The following IFT80 variants were observed in gnomAD, a reference collection of about 807,000 sequenced individuals.
IFT80 encodes the protein intraflagellar transport protein 80 homolog.
Under a neutral mutation model 107.9 loss-of-function variants are expected in IFT80, and 79 were observed. The observed-to-expected ratio is 0.73, with a 90% CI of 0.61 to 0.88. The LOEUF is 0.88. Ranked by LOEUF, IFT80 falls within the 40% of genes least tolerant of loss-of-function variation. The pLI, the probability that IFT80 is intolerant of heterozygous loss-of-function variation, is 0.00. For missense variants in IFT80, 797 were observed against 914.2 expected (o/e 0.87, Z 1.65); for synonymous variants, 299 against 300.9 (o/e 0.99, Z 0.07).
At chr3:160,305,182 T>C (rs1382317534) in intron 10 of IFT80, among the ~76,000 whole-genome samples, 1 of 152,172 alleles carries the variant, frequency 6.6e-6, no homozygotes, top group East Asian at 1.9e-4. Flanking sequence ...AATTTCTCAG[T>C]AATTTTCATA....
intron 6 of IFT80, among the ~76,000 whole-genome samples, chr3:160,358,804 ATTTT>A (rs1431512983): frequency 6.6e-6 from 1 of 152,194 alleles, no homozygotes; most frequent in Non-Finnish European, 1.5e-5. Flanking sequence ...ACATATAATA[ATTTT>A]TATTTATTTA....
intron 6 of IFT80, among the ~76,000 whole-genome samples, chr3:160,361,824 C>T (rs559731964): frequency 6.6e-6 from 1 of 152,238 alleles, no homozygotes; most frequent in African/African-American, 2.4e-5. Context: ...TTCTTTGAAA[C>T]CAATGAGAAC....
At chr3:160,344,077 G>C (rs1238612642) in intron 8 of IFT80, among the ~76,000 whole-genome samples, 2 of 152,118 alleles carry the variant, frequency 1.3e-5, no homozygotes, top group Admixed American at 6.5e-5. Context: ...GTTCTACAAG[G>C]AGCCCCATTT....
At chr3:160,307,072 C>T (rs975790582) in intron 10 of IFT80, among the ~76,000 whole-genome samples, 1 of 152,168 alleles carries the variant, frequency 6.6e-6, no homozygotes, top group Admixed American at 6.5e-5. Flanking sequence ...GTTGAGGAAT[C>T]AACTGGTAGT....
intron 5 of IFT80, among the ~76,000 whole-genome samples, chr3:160,372,458 T>C (rs1049715098): frequency 1.3e-5 from 2 of 152,188 alleles, no homozygotes; most frequent in African/African-American, 4.8e-5. Flanking sequence ...ACTGTCATTA[T>C]AACAACTTAA....
rs1354462859 is a variant in IFT80, at chr3:160,289,510, G to T, written c.1316-3642C>A. Among the ~76,000 whole-genome samples the T allele has an allele frequency of 2.6e-5, 4 of 152,226 alleles. No homozygotes were observed. The East Asian group carries it at 7.7e-4, about 29-fold the overall frequency. ...CGAGGTGAAAAAGCAAACGCTGATG[G>T]GGGTAAAATGAAAGGGAAAGAGAAA... On this transcript the variant is annotated intron_variant, in intron 12 of 19. Transcript: ENST00000326448.
intron 18 of IFT80, among the ~76,000 whole-genome samples, chr3:160,272,717 T>TC (rs1713914297): frequency 1.3e-5 from 2 of 152,152 alleles, no homozygotes; most frequent in Non-Finnish European, 2.9e-5. Flanking sequence ...TCACTGGCTT[T>TC]CCCCTCAATG....
In IFT80 at chr3:160,393,513, C is replaced by T. The variant is rs1018403384; in HGVS notation, c.-47+5633G>A. ...AAAGTAGAATGATGGCTGCCAGGGG[C>T]TAGGGGAAGGAAGAATAGGGAGTTA... is the stretch of plus-strand genomic sequence containing the variant. On this transcript the variant is annotated intron_variant, in intron 1 of 19. Coordinates refer to ENST00000326448, the MANE Select transcript of IFT80 (RefSeq NM_020800.3). Among the ~76,000 whole-genome samples, 4 of 152,004 alleles carry T rather than the reference C, an allele frequency of 2.6e-5. No individual in the cohort carries two copies. The South Asian group carries it at 8.3e-4, about 32-fold the overall frequency.
chr3:160,333,134 A>G (rs1289831630), intron 8 of IFT80, among the ~76,000 whole-genome samples: 1 of 152,192 alleles, frequency 6.6e-6, no homozygotes, highest in Admixed American at 6.5e-5. Flanking sequence ...ATACCTAAAC[A>G]CAAAAAAGGT....
intron 12 of IFT80, among the ~76,000 whole-genome samples, chr3:160,289,560 A>T (rs775687787): frequency 8.5e-5 from 13 of 152,206 alleles, no homozygotes; most frequent in Non-Finnish European, 1.8e-4. Flanking sequence ...GACTCATCAT[A>T]GCAGGGTGGA....
intron 8 of IFT80, among the ~76,000 whole-genome samples, chr3:160,327,824 A>G (rs1290145920): frequency 6.6e-6 from 1 of 152,170 alleles, no homozygotes; most frequent in African/African-American, 2.4e-5. Context: ...CAACAAAAAC[A>G]AAAATTGATA....
chr3:160,384,474 T>C, intron 2 of IFT80, 90 bp downstream of exon 2: 1 of 1,349,260 alleles, frequency 7.4e-7, no homozygotes, highest in Non-Finnish European at 9.8e-7. Context: ...AAAAAAAATC[T>C]ATTCTTCAAC....
rs1280512066 is a variant in IFT80, at chr3:160,397,716, C to A, written c.-47+1430G>T. Among the ~76,000 whole-genome samples the A allele has an allele frequency of 2.0e-4, 19 of 96,580 alleles. No individual in the cohort carries two copies. In the South Asian group the frequency reaches 6.3e-3, roughly 32 times the overall value. 63.4% of individuals were successfully genotyped at this position (96,580 alleles called of 152,430 possible). On this transcript the variant is annotated intron_variant, in intron 1 of 19. Transcript: ENST00000326448. Reference sequence around the variant, plus strand: ...AATACACCACTCAATTTGGTCTATACTTTTTTTTTTTTTTTTTTTTTTGAG... The same window carrying A: ...AATACACCACTCAATTTGGTCTATAATTTTTTTTTTTTTTTTTTTTTTGAG...
intron 8 of IFT80, among the ~76,000 whole-genome samples, chr3:160,331,306 G>T (rs150724791): frequency 6.6e-6 from 1 of 152,194 alleles, no homozygotes; most frequent in Non-Finnish European, 1.5e-5. Flanking sequence ...GATGATTCAT[G>T]TCCTGGGAAA....
At chr3:160,302,767 T>C (rs1282923673) in intron 11 of IFT80, among the ~76,000 whole-genome samples, 1 of 152,160 alleles carries the variant, frequency 6.6e-6, no homozygotes, top group Non-Finnish European at 1.5e-5. Flanking sequence ...AAATTTATGA[T>C]GTAACTAAAT....
At chr3:160,396,047 T>A (rs1713755243) in intron 1 of IFT80, among the ~76,000 whole-genome samples, 1 of 152,070 alleles carries the variant, frequency 6.6e-6, no homozygotes, top group Non-Finnish European at 1.5e-5. Context: ...ACCCATTTTA[T>A]TTTCTCTCTT....
chr3:160,279,052 G>A, intron 16 of IFT80, 141 bp downstream of exon 16: 1 of 657,940 alleles, frequency 1.5e-6, no homozygotes, highest in Non-Finnish European at 2.7e-6. Flanking sequence ...CCTCTGTATT[G>A]CCCATGTCTT....
chr3:160,268,156 T>C (rs943036641), intron 19 of IFT80, among the ~76,000 whole-genome samples: 1 of 152,132 alleles, frequency 6.6e-6, no homozygotes, highest in Non-Finnish European at 1.5e-5. Context: ...TCTAAAAATA[T>C]CAAATAGCAC....
At chr3:160,353,494 C>T (rs186883200) in intron 8 of IFT80, among the ~76,000 whole-genome samples, 1 of 152,322 alleles carries the variant, frequency 6.6e-6, no homozygotes, top group East Asian at 1.9e-4. Flanking sequence ...TCTGTATTAT[C>T]TCCTGGTATT....
Sources: gnomAD v4.1 joint callset for allele counts (sites outside exome capture counted in the v4.1 genomes callset) on GRCh38, gnomAD v4.1.1 for gene constraint, MANE v1.5 for transcripts, NCBI Gene and HGNC (gene_info 2026-07-23, HGNC 2026-07-21) for gene names.